The following LGR4 variants were observed in gnomAD, a reference collection of about 807,000 sequenced individuals.
The protein encoded by LGR4 is leucine rich repeat containing G protein-coupled receptor 4.
A neutral mutation model predicts 84.8 loss-of-function variants in LGR4; 44 were observed. That is an observed-to-expected ratio of 0.52 (90% confidence interval 0.41 to 0.67). The LOEUF (loss-of-function observed/expected upper bound fraction) is 0.67. LGR4 is among the 30% of genes least tolerant of loss of function. LGR4 has a pLI of 0.00. For synonymous variants in LGR4, 429 were observed against 434.3 expected, an observed-to-expected ratio of 0.99 and a Z score of 0.15; for missense variants, 1,032 against 1,131.4, an observed-to-expected ratio of 0.91 and a Z score of 1.26.
intron 17 of LGR4, 108 bp from the exon 18 acceptor site, chr11:27,369,251 G>T: frequency 1.1e-6 from 1 of 871,256 alleles, no homozygotes; most frequent in Non-Finnish European, 1.7e-6. Context: ...AATTAAATCT[G>T]CTCTCTACTT....
chr11:27,434,304 A>G (rs1369481841), intron 1 of LGR4, among the ~76,000 whole-genome samples: 2 of 152,230 alleles, frequency 1.3e-5, no homozygotes, highest in African/African-American at 4.8e-5. Flanking sequence ...AGAGAAGAAT[A>G]TCTCCATTGC....
chr11:27,429,584 T>G (rs920367411), intron 1 of LGR4, among the ~76,000 whole-genome samples: 6 of 151,962 alleles, frequency 3.9e-5, no homozygotes, highest in African/African-American at 1.2e-4. Context: ...GCTTCCAGGA[T>G]AGAAAGTGTT....
intron 6 of LGR4, 133 bp from the exon 7 acceptor site, chr11:27,382,389 C>G: frequency 1.7e-6 from 1 of 604,650 alleles, no homozygotes; most frequent in African/African-American, 1.9e-5. Flanking sequence ...ACCATATCGT[C>G]ATTCAAAACC....
intron 2 of LGR4, among the ~76,000 whole-genome samples, chr11:27,403,066 C>CAAT: frequency 6.6e-6 from 1 of 152,154 alleles, no homozygotes. Context: ...ACAGCTAAAT[C>CAAT]TAATTGTAAT....
Position 27,472,099 on chromosome 11 carries a change from C to A in LGR4, c.185+19G>T. 2 of 1,242,452 alleles carry A rather than the reference C, an allele frequency of 1.6e-6. No homozygotes were observed. Among genetic ancestry groups the A allele is most frequent in the South Asian group, 2.3e-5 (1 of 42,602 alleles). The allele number at this position is 1,242,452 out of a possible 1,614,324, so 77.0% of individuals were successfully genotyped here. ...CCCGTTTCCTCCCCCCCCCTCGCGT[C>A]CCCGCCGCCCGCACTCACAGCGCTT... On this transcript the variant is annotated intron_variant, in intron 1 of 17. Coordinates refer to ENST00000379214, the MANE Select transcript of LGR4 (RefSeq NM_018490.5).
intron 1 of LGR4, among the ~76,000 whole-genome samples, chr11:27,426,441 T>A (rs1374399354): frequency 1.3e-5 from 2 of 152,210 alleles, no homozygotes; most frequent in Admixed American, 6.5e-5. Context: ...CTTTATCCTA[T>A]AAATAGTATC....
chr11:27,390,155 G>A (rs978612615), intron 4 of LGR4, among the ~76,000 whole-genome samples: 1 of 151,742 alleles, frequency 6.6e-6, no homozygotes, highest in Non-Finnish European at 1.5e-5. Context: ...ATGTCTCTTT[G>A]GTGCCGTTAA....
chr11:27,420,473 A>T (rs971407589), intron 1 of LGR4, among the ~76,000 whole-genome samples: 1 of 152,152 alleles, frequency 6.6e-6, no homozygotes, highest in Non-Finnish European at 1.5e-5. Flanking sequence ...AGATGATCGA[A>T]TCAGACCTGG....
At chr11:27,468,897 C>T (rs747764879) in intron 1 of LGR4, among the ~76,000 whole-genome samples, 4 of 152,104 alleles carry the variant, frequency 2.6e-5, no homozygotes, top group South Asian at 2.1e-4. Context: ...TCTCAAACAC[C>T]GTAGCAATAA....
At chr11:27,380,168 G>A in intron 10 of LGR4, 103 bp downstream of exon 10, 1 of 659,996 alleles carries the variant, frequency 1.5e-6, no homozygotes, top group African/African-American at 1.8e-5. Flanking sequence ...GAAACCGGAG[G>A]AATCAACATA....
intron 15 of LGR4, chr11:27,373,178 T>C (rs151117432): frequency 1.5e-3 from 233 of 155,780 alleles, no homozygotes; most frequent in African/African-American, 4.1e-3. Context: ...CAATACTCTC[T>C]ATTATATTTA....
intron 2 of LGR4, among the ~76,000 whole-genome samples, chr11:27,399,002 G>A (rs566443068): frequency 1.4e-4 from 21 of 152,132 alleles, no homozygotes; most frequent in African/African-American, 4.8e-4. Flanking sequence ...CGCCTCCCAG[G>A]TTCAAGCGAT....
At position 27,374,012 on chromosome 11, in the gene LGR4, T is replaced by G; in HGVS notation, c.1216A>C (p.Ser406Arg). Residue 406 changes from serine to arginine, a missense_variant, in exon 14 of 18, where the codon AGT (serine) becomes CGT (arginine). Physicochemically the swap from Ser to Arg is moderately radical, Grantham distance 110 (BLOSUM62 -1). Coordinates refer to ENST00000379214, the MANE Select transcript of LGR4 (RefSeq NM_018490.5). ...LSRNLIHEIH[S>R]RAFATLGPIT... is the part of the protein sequence containing the mutation. ...GGCCCAAGTGTGGCAAAAGCTCTAC[T>G]GTGAATTTCATGTATCAGGTTTCTA... is the stretch of plus-strand genomic sequence containing the variant. The G allele has an allele frequency of 1.2e-6, 2 of 1,612,396 alleles. No individual in the cohort carries two copies. Among genetic ancestry groups the G allele is most frequent in the Non-Finnish European group, 8.5e-7 (1 of 1,178,538 alleles).
At chr11:27,400,282 CA>C (rs1025237556) in intron 2 of LGR4, among the ~76,000 whole-genome samples, 4 of 152,138 alleles carry the variant, frequency 2.6e-5, no homozygotes, top group African/African-American at 9.7e-5. Context: ...TACTGGCCCT[CA>C]AAACCACCCT....
intron 17 of LGR4, among the ~76,000 whole-genome samples, chr11:27,370,218 C>T (rs576149249): frequency 6.6e-6 from 1 of 152,330 alleles, no homozygotes; most frequent in Non-Finnish European, 1.5e-5. Context: ...TCACAGACCT[C>T]AAAAGCCAGT....
intron 1 of LGR4, among the ~76,000 whole-genome samples, chr11:27,446,055 T>C (rs980450892): frequency 4.6e-5 from 7 of 152,176 alleles, no homozygotes; most frequent in Non-Finnish European, 7.3e-5. Flanking sequence ...AAGGCACAAA[T>C]ATAACCAAGG....
In LGR4 at chr11:27,385,457, G is replaced by T. The variant is rs536355546; in HGVS notation, c.413C>A (p.Ala138Asp). 20 of 1,600,194 alleles carry T rather than the reference G, an allele frequency of 1.2e-5. No homozygotes were observed. Among genetic ancestry groups the T allele is most frequent in the Non-Finnish European group, 1.7e-5 (20 of 1,173,044 alleles). The change falls in exon 5 of 18, where the codon GCC (alanine) becomes GAC (aspartate). Residue 138 changes from alanine (A) to aspartate (D), a missense_variant. Ala to Asp is a moderately radical substitution (Grantham distance 126). Transcript: ENST00000379214. ...CTCGGGGACTGAGGTAATATGGTTG[G>T]CATCTAAACGCCTAACAGAAACAAA... ...LSALQSLRLD[A>D]NHITSVPEDS... is the part of the protein sequence containing the mutation.
At chr11:27,468,835 T>C (rs1864823220) in intron 1 of LGR4, among the ~76,000 whole-genome samples, 1 of 152,214 alleles carries the variant, frequency 6.6e-6, no homozygotes, top group African/African-American at 2.4e-5. Context: ...ATCTTAAAAC[T>C]ATGTGCCAAA....
intron 17 of LGR4, among the ~76,000 whole-genome samples, chr11:27,370,160 T>G (rs1478680): frequency 0.99 from 150,796 of 152,358 alleles, 74,643 homozygotes; most frequent in East Asian, 1. Context: ...TTTATGAACT[T>G]TCATGAAAAT....
Sources: allele counts gnomAD v4.1 joint callset (sites outside exome capture counted in the v4.1 genomes callset), GRCh38; gene constraint gnomAD v4.1.1; transcripts MANE v1.5; gene names NCBI Gene and HGNC (gene_info 2026-07-23, HGNC 2026-07-21).